PACRG: variants seen among roughly 807,000 people sequenced by gnomAD.
PACRG encodes the protein parkin coregulated.
In PACRG, 29 loss-of-function variants were observed where a neutral mutation model predicts 29.7. That is an observed-to-expected ratio of 0.98 (90% CI 0.73 to 1.33). The LOEUF is 1.33. Among genes scored for constraint, PACRG ranks in the 40% most tolerant of loss-of-function variants. PACRG has a pLI of 0.00. For synonymous variants in PACRG, 116 were observed against 118.7 expected (o/e 0.98, Z 0.15); for missense variants, 279 against 316.2 (o/e 0.88, Z 0.89).
intron 2 of PACRG, among the ~76,000 whole-genome samples, chr6:162,824,432 C>A (rs35672319): frequency 0.1 from 15,528 of 152,184 alleles, 928 homozygotes; most frequent in Middle Eastern, 0.17. Flanking sequence ...GTTTTCCAAT[C>A]CAATTCCATT....
chr6:162,800,150 A>C (rs1307891516), intron 1 of PACRG, among the ~76,000 whole-genome samples: 2 of 152,224 alleles, frequency 1.3e-5, no homozygotes, highest in Non-Finnish European at 1.5e-5. Context: ...CAAGAACTGC[A>C]CTTGGGCACT....
At chr6:162,913,985 T>TA (rs1796502998) in intron 2 of PACRG, among the ~76,000 whole-genome samples, 1 of 130,492 alleles carries the variant, frequency 7.7e-6, no homozygotes, top group Non-Finnish European at 1.6e-5. Flanking sequence ...GCTTTGTCTA[T>TA]GTGTTTCAAA....
At chr6:162,765,291 A>G (rs71567666) in intron 1 of PACRG, among the ~76,000 whole-genome samples, 14,644 of 151,952 alleles carry the variant, frequency 0.096, 966 homozygotes, top group South Asian at 0.23. Flanking sequence ...CACGCATGCT[A>G]AGGCCTCCTT....
Position 163,019,341 on chromosome 6 carries a change from C to G in PACRG, c.292-42809C>G, listed in dbSNP as rs112091486. 7.0e-3 allele frequency among the ~76,000 whole-genome samples: 1,064 copies of G among 152,250 alleles called. 9 individuals carry two copies. The highest frequency in any genetic ancestry group is 0.024 in the African/African-American group (991 of 41,528). The stretch of plus-strand genomic sequence containing the variant: ...TACAAAGTGGTTTTTAAAATGACCT[C>G]ATATTTCTAGGATCTGCCTTCTCTT... On this transcript the variant is annotated intron_variant, in intron 2 of 4. Coordinates refer to ENST00000366888, the MANE Select transcript of PACRG (RefSeq NM_001080379.2).
intron 2 of PACRG, among the ~76,000 whole-genome samples, chr6:162,905,608 G>A (rs1042797535): frequency 2.0e-5 from 3 of 152,132 alleles, no homozygotes; most frequent in African/African-American, 7.2e-5. Context: ...CTACAGTTTT[G>A]TGGAAAGGGA....
intron 4 of PACRG, among the ~76,000 whole-genome samples, chr6:163,248,662 C>CT (rs1415192294): frequency 1.3e-5 from 2 of 152,144 alleles, no homozygotes; most frequent in Non-Finnish European, 2.9e-5. Context: ...ATCCAAAACT[C>CT]TATTTCACAT....
At chr6:163,112,272 G>C (rs558800693) in intron 4 of PACRG, among the ~76,000 whole-genome samples, 1 of 152,328 alleles carries the variant, frequency 6.6e-6, no homozygotes, top group South Asian at 2.1e-4. Context: ...ATATAAGCTG[G>C]TAGCAAAGTG....
At chr6:163,045,892 G>A (rs1809309867) in intron 2 of PACRG, among the ~76,000 whole-genome samples, 1 of 152,122 alleles carries the variant, frequency 6.6e-6, no homozygotes, top group South Asian at 2.1e-4. Flanking sequence ...GGGATTACAG[G>A]TGTGAGGCAC....
At chr6:163,109,418 G>A (rs1177281927) in intron 4 of PACRG, among the ~76,000 whole-genome samples, 1 of 152,174 alleles carries the variant, frequency 6.6e-6, no homozygotes, top group Non-Finnish European at 1.5e-5. Flanking sequence ...TACATCTGTT[G>A]TCTCATCTCG....
chr6:162,748,353 C>T lies in PACRG; in HGVS notation c.156+19962C>T, dbSNP rs939320843. Among the ~76,000 whole-genome samples the T allele has an allele frequency of 2.0e-5, 3 of 152,124 alleles. No individual in the cohort carries two copies. The South Asian group carries it at 6.2e-4, about 32-fold the overall frequency. On this transcript the variant is annotated intron_variant, in intron 1 of 4. Transcript: ENST00000366888. ...TAAAAATACAAAAAAATTAGCCAGG[C>T]GTGGTGGCACCTGCCTGTTATCCCA...
chr6:162,999,552 A>C (rs1804394362), intron 2 of PACRG, among the ~76,000 whole-genome samples: 2 of 152,348 alleles, frequency 1.3e-5, no homozygotes, highest in South Asian at 2.1e-4. Context: ...TGGATTAAAC[A>C]CACACAAAAA....
At chr6:162,732,860 A>G (rs1779881097) in intron 1 of PACRG, among the ~76,000 whole-genome samples, 1 of 152,134 alleles carries the variant, frequency 6.6e-6, no homozygotes, top group Non-Finnish European at 1.5e-5. Flanking sequence ...AAAAGTCAAG[A>G]TACTTCCCCA....
At chr6:162,848,295 T>C (rs865930295) in intron 2 of PACRG, among the ~76,000 whole-genome samples, 2 of 152,200 alleles carry the variant, frequency 1.3e-5, no homozygotes, top group African/African-American at 4.8e-5. Context: ...TTTACCGAAA[T>C]GTGTCCTTCA....
intron 2 of PACRG, among the ~76,000 whole-genome samples, chr6:163,013,182 G>A (rs1436419853): frequency 1.3e-5 from 2 of 151,776 alleles, no homozygotes; most frequent in African/African-American, 4.8e-5. Context: ...TGTGTGGTTG[G>A]TGTTTGTGAT....
intron 4 of PACRG, among the ~76,000 whole-genome samples, chr6:163,106,071 T>C (rs923440632): frequency 1.3e-5 from 2 of 152,158 alleles, no homozygotes; most frequent in Admixed American, 6.5e-5. Flanking sequence ...TCATGAATCA[T>C]CTCATTTAAT....
chr6:162,832,122 A>G lies in PACRG; in HGVS notation c.291+17841A>G, dbSNP rs1027872983. On this transcript the variant is annotated intron_variant, in intron 2 of 4. Transcript: ENST00000366888. ...TGGTTGAACTAAATTACATTCCCATAAACAGTGTAAAAGCGTTCCTATTTC... is the reference window on the plus strand; with the variant it reads ...TGGTTGAACTAAATTACATTCCCATGAACAGTGTAAAAGCGTTCCTATTTC... Among the ~76,000 whole-genome samples, 11 of 152,286 alleles carry G rather than the reference A, an allele frequency of 7.2e-5. No homozygotes were observed. In the East Asian group the frequency reaches 1.9e-3, roughly 27 times the overall value.
At chr6:163,166,140 C>A (rs1488665410) in intron 4 of PACRG, 8 of 456,100 alleles carry the variant, frequency 1.8e-5, no homozygotes, top group African/African-American at 1.6e-4. Context: ...TGGGCAGCGT[C>A]GCTTGCGCCC....
intron 1 of PACRG, among the ~76,000 whole-genome samples, chr6:162,766,494 T>G (rs973714880): frequency 3.9e-5 from 6 of 152,202 alleles, no homozygotes; most frequent in Non-Finnish European, 5.9e-5. Flanking sequence ...TTAGATCTTG[T>G]GAATAATTCT....
chr6:163,052,572 A>G (rs1336199284), intron 2 of PACRG, among the ~76,000 whole-genome samples: 2 of 152,146 alleles, frequency 1.3e-5, no homozygotes, highest in South Asian at 2.1e-4. Context: ...GGTTTTCCCC[A>G]TGCTATTCTT....
Sources: gnomAD v4.1 joint callset for allele counts (sites outside exome capture counted in the v4.1 genomes callset) on GRCh38, gnomAD v4.1.1 for gene constraint, MANE v1.5 for transcripts, NCBI Gene and HGNC (gene_info 2026-07-23, HGNC 2026-07-21) for gene names.